C19orf38: variants seen among roughly 807,000 people sequenced by gnomAD.
C19orf38 encodes chromosome 19 open reading frame 38.
A neutral mutation model predicts 26.6 loss-of-function variants in C19orf38; 14 were observed. The ratio of observed to expected loss-of-function variants is 0.53; its 90% CI spans 0.35 to 0.82. The LOEUF is 0.82. Among genes scored for constraint, C19orf38 ranks in the 40% least tolerant of loss-of-function variants. C19orf38 has a pLI of 0.01. For synonymous variants in C19orf38, 132 were observed against 128.5 expected, an observed-to-expected ratio of 1.03 and a Z score of -0.18; for missense variants, 261 against 299.5, an observed-to-expected ratio of 0.87 and a Z score of 0.95.
At chr19:10,838,359 C>A (rs1375884661) in intron 1 of C19orf38, among the ~76,000 whole-genome samples, 1 of 152,102 alleles carries the variant, frequency 6.6e-6, no homozygotes, top group African/African-American at 2.4e-5. Flanking sequence ...GCAGTGAGCC[C>A]AGATGATGCC....
chr19:10,849,449 G>C (rs964465006), intron 1 of C19orf38, among the ~76,000 whole-genome samples: 1 of 152,154 alleles, frequency 6.6e-6, no homozygotes, highest in South Asian at 2.1e-4. Context: ...GACTCAGCTC[G>C]TGGGAGGCCA....
At chr19:10,844,505 G>A (rs1758425061), upstream of C19orf38, among the ~76,000 whole-genome samples, 1 of 150,740 alleles carries the variant, frequency 6.6e-6, no homozygotes, top group South Asian at 2.1e-4. Context: ...GAGCTCAGGA[G>A]TTCATGACCA....
chr19:10,851,558 A>C (rs2073573069), intron 2 of C19orf38, among the ~76,000 whole-genome samples: 1 of 152,126 alleles, frequency 6.6e-6, no homozygotes, highest in Non-Finnish European at 1.5e-5. Flanking sequence ...CCAGGGCCGG[A>C]CATGGTAGCT....
intron 1 of C19orf38, among the ~76,000 whole-genome samples, chr19:10,840,034 T>C (rs931281320): frequency 1.3e-5 from 2 of 152,222 alleles, no homozygotes; most frequent in Non-Finnish European, 2.9e-5. Context: ...ACAATTTCTT[T>C]AGCCATTCAT....
At chr19:10,842,128 C>G in intron 1 of C19orf38, 1 of 1,580,094 alleles carries the variant, frequency 6.3e-7, no homozygotes, top group South Asian at 1.1e-5. Context: ...TCAGTTGACT[C>G]ATTCACTCAG....
intron 6 of C19orf38, among the ~76,000 whole-genome samples, chr19:10,866,335 C>A (rs995187331): frequency 6.7e-6 from 1 of 149,710 alleles, no homozygotes; most frequent in Non-Finnish European, 1.5e-5. Flanking sequence ...GGATTACAGG[C>A]GAGCGCCAGC....
intron 6 of C19orf38, among the ~76,000 whole-genome samples, chr19:10,864,989 C>T (rs558317695): frequency 3.3e-5 from 5 of 152,270 alleles, no homozygotes; most frequent in Admixed American, 3.3e-4. Flanking sequence ...TTGGCACGGG[C>T]CTGTGCAGCC....
At chr19:10,842,265 T>C in intron 1 of C19orf38, 3 of 328,958 alleles carry the variant, frequency 9.1e-6, no homozygotes, top group Non-Finnish European at 1.5e-5. Flanking sequence ...AATAAAATAC[T>C]TTTTTTTTTT....
At position 10,848,490 on chromosome 19, in the gene C19orf38, C is replaced by G. The variant is rs1331726618; in HGVS notation, c.-19C>G. ...CCCCTCTGGCCTCAGCCGGATTTCC[C>G]AGCCAAACGCAGAGAGAGATGCCCT... On this transcript the variant is annotated 5_prime_UTR_variant, in exon 1 of 7. Coordinates refer to ENST00000397820, the MANE Select transcript of C19orf38 (RefSeq NM_001136482.3). 6.4e-7 allele frequency: 1 copy of G among 1,551,632 alleles called. No individual in the cohort carries two copies. The highest frequency in any genetic ancestry group is 2.4e-5 in the East Asian group (1 of 40,910).
chr19:10,853,265 G>C (rs1223590383), intron 2 of C19orf38, among the ~76,000 whole-genome samples: 1 of 151,798 alleles, frequency 6.6e-6, no homozygotes, highest in African/African-American at 2.4e-5. Context: ...GACTCACTCT[G>C]TCGCCCAGGC....
upstream of C19orf38, among the ~76,000 whole-genome samples, chr19:10,847,339 A>G (rs2073525886): frequency 6.7e-6 from 1 of 148,892 alleles, no homozygotes; most frequent in Non-Finnish European, 1.5e-5. Flanking sequence ...ATTTCCTACT[A>G]CAAGTTCTTT....
At chr19:10,846,873 A>G (rs1304156183), upstream of C19orf38, among the ~76,000 whole-genome samples, 1 of 152,212 alleles carries the variant, frequency 6.6e-6, no homozygotes, top group African/African-American at 2.4e-5. Context: ...AGGGGCCTGG[A>G]AAGTTTTCCC....
chr19:10,837,739 C>T (rs1331473144), intron 1 of C19orf38, among the ~76,000 whole-genome samples: 1 of 151,874 alleles, frequency 6.6e-6, no homozygotes, highest in Non-Finnish European at 1.5e-5. Flanking sequence ...GATATCCTGA[C>T]CTTCTGTTCC....
upstream of C19orf38, among the ~76,000 whole-genome samples, chr19:10,846,220 A>G (rs1448206535): frequency 6.6e-6 from 1 of 151,240 alleles, no homozygotes; most frequent in African/African-American, 2.4e-5. Context: ...TTTTTGAGAC[A>G]GAGTCTCGCT....
upstream of C19orf38, among the ~76,000 whole-genome samples, chr19:10,845,406 C>A (rs995583170): frequency 6.6e-6 from 1 of 152,068 alleles, no homozygotes; most frequent in African/African-American, 2.4e-5. Context: ...AAGCTGCCCC[C>A]CAAAAAGCCC....
chr19:10,862,207 T>TG (rs1358797638), intron 5 of C19orf38, among the ~76,000 whole-genome samples: 2 of 147,492 alleles, frequency 1.4e-5, no homozygotes, highest in African/African-American at 5.0e-5. Context: ...GCCTGTTTTT[T>TG]TTTTTTTTTT....
intron 5 of C19orf38, among the ~76,000 whole-genome samples, chr19:10,860,940 C>A (rs969784138): frequency 2.6e-5 from 4 of 151,320 alleles, no homozygotes; most frequent in Non-Finnish European, 5.9e-5. Context: ...GTCAGGAGAT[C>A]GAGACCATCC....
At chr19:10,862,205 T>G (rs928059687) in intron 5 of C19orf38, among the ~76,000 whole-genome samples, 10 of 146,936 alleles carry the variant, frequency 6.8e-5, no homozygotes, top group African/African-American at 2.5e-4. Context: ...CAGCCTGTTT[T>G]TTTTTTTTTT....
At chr19:10,863,098 G>A in intron 5 of C19orf38, 72 bp from the exon 6 acceptor site, 2 of 1,469,668 alleles carry the variant, frequency 1.4e-6, no homozygotes, top group South Asian at 2.4e-5. Context: ...GGGGGGCAGT[G>A]CGGGGATGGC....
Sources: allele counts gnomAD v4.1 joint callset (sites outside exome capture counted in the v4.1 genomes callset), GRCh38; gene constraint gnomAD v4.1.1; transcripts MANE v1.5; gene names NCBI Gene and HGNC (gene_info 2026-07-23, HGNC 2026-07-21).